HS2ST1: variants seen among roughly 807,000 people sequenced by gnomAD.
HS2ST1 encodes the protein heparan sulfate 2-O-sulfotransferase 1.
In HS2ST1, 18 loss-of-function variants were observed where a neutral mutation model predicts 42.9. The ratio of observed to expected loss-of-function variants is 0.42; its 90% CI spans 0.29 to 0.62. The LOEUF (loss-of-function observed/expected upper bound fraction) is 0.62, where lower values mean the gene tolerates loss of function less well. Among genes scored for constraint, HS2ST1 ranks in the 20% least tolerant of loss-of-function variants. HS2ST1 has a pLI of 0.21. For synonymous variants in HS2ST1, 146 were observed against 152.9 expected (o/e 0.95, Z 0.33); for missense variants, 334 against 433.8 (o/e 0.77, Z 2.04).
At chr1:86,921,872 A>G (rs1368569900) in intron 1 of HS2ST1, among the ~76,000 whole-genome samples, 2 of 152,196 alleles carry the variant, frequency 1.3e-5, no homozygotes, top group African/African-American at 4.8e-5. Flanking sequence ...GTCAGGTGGT[A>G]TATCTTTTCC....
At chr1:87,016,445 T>G (rs556314739) in intron 1 of HS2ST1, among the ~76,000 whole-genome samples, 19 of 152,268 alleles carry the variant, frequency 1.2e-4, no homozygotes, top group East Asian at 7.7e-4. Flanking sequence ...TTTCTTGCTT[T>G]CTTTCTTTTC....
chr1:86,995,440 T>C (rs1329623267), intron 1 of HS2ST1, among the ~76,000 whole-genome samples: 2 of 152,184 alleles, frequency 1.3e-5, no homozygotes, highest in Non-Finnish European at 1.5e-5. Flanking sequence ...GTTTTATTTC[T>C]GTCACTACAT....
chr1:87,014,080 C>T (rs1649680764), intron 1 of HS2ST1, among the ~76,000 whole-genome samples: 1 of 152,164 alleles, frequency 6.6e-6, no homozygotes, highest in African/African-American at 2.4e-5. Flanking sequence ...TGCCTATTAC[C>T]CACTTTCAAA....
At chr1:87,008,380 A>G (rs1339077657) in intron 1 of HS2ST1, among the ~76,000 whole-genome samples, 1 of 152,264 alleles carries the variant, frequency 6.6e-6, no homozygotes, top group Admixed American at 6.5e-5. Flanking sequence ...TAATTAAATT[A>G]TATCTAACAC....
intron 1 of HS2ST1, among the ~76,000 whole-genome samples, chr1:86,976,941 A>T (rs1366188386): frequency 6.6e-6 from 1 of 151,566 alleles, no homozygotes; most frequent in Non-Finnish European, 1.5e-5. Flanking sequence ...AGTCCTAGCT[A>T]CTTGAGAGGC....
intron 6 of HS2ST1, among the ~76,000 whole-genome samples, chr1:87,104,118 A>G (rs1245072841): frequency 6.6e-6 from 1 of 152,186 alleles, no homozygotes; most frequent in Non-Finnish European, 1.5e-5. Flanking sequence ...ATGAGAAAAT[A>G]GAATACAGTT....
At chr1:86,953,960 A>G (rs1037540712) in intron 1 of HS2ST1, among the ~76,000 whole-genome samples, 12 of 149,618 alleles carry the variant, frequency 8.0e-5, no homozygotes, top group African/African-American at 3.0e-4. Flanking sequence ...AACTTGTATT[A>G]AGTTCACTGT....
chr1:87,031,569 T>A (rs1316420079), intron 1 of HS2ST1, among the ~76,000 whole-genome samples: 1 of 152,202 alleles, frequency 6.6e-6, no homozygotes, highest in Non-Finnish European at 1.5e-5. Flanking sequence ...GCTATTTAGT[T>A]TGGTTGCATT....
intron 1 of HS2ST1, among the ~76,000 whole-genome samples, chr1:86,933,527 T>G (rs1660584599): frequency 6.6e-6 from 1 of 152,182 alleles, no homozygotes; most frequent in Non-Finnish European, 1.5e-5. Context: ...TGTCTCTGCC[T>G]ACAGTGGGCA....
At chr1:86,960,926 A>G (rs1042851924) in intron 1 of HS2ST1, among the ~76,000 whole-genome samples, 2 of 152,204 alleles carry the variant, frequency 1.3e-5, no homozygotes, top group Non-Finnish European at 2.9e-5. Flanking sequence ...GTGTTTATCC[A>G]AATGAACTGA....
At chr1:86,998,014 A>C (rs1300258143) in intron 1 of HS2ST1, among the ~76,000 whole-genome samples, 1 of 152,200 alleles carries the variant, frequency 6.6e-6, no homozygotes, top group Non-Finnish European at 1.5e-5. Flanking sequence ...ATTGTCCACT[A>C]TCTGAATGAA....
chr1:87,034,674 T>C (rs1411375016), intron 1 of HS2ST1, among the ~76,000 whole-genome samples: 1 of 152,200 alleles, frequency 6.6e-6, no homozygotes, highest in African/African-American at 2.4e-5. Context: ...GTGTAAAGTA[T>C]ATGTACGAAG....
chr1:87,052,505 A>G (rs997609925), intron 1 of HS2ST1, among the ~76,000 whole-genome samples: 4 of 152,198 alleles, frequency 2.6e-5, no homozygotes, highest in African/African-American at 9.6e-5. Flanking sequence ...TTAATGTTGC[A>G]TTTTCACAGG....
chr1:86,937,830 C>G (rs918475690), intron 1 of HS2ST1, among the ~76,000 whole-genome samples: 2 of 151,630 alleles, frequency 1.3e-5, no homozygotes, highest in African/African-American at 4.8e-5. Flanking sequence ...TCTGCATTGG[C>G]ATTCGTTGGT....
chr1:86,997,296 C>T (rs927306714), intron 1 of HS2ST1, among the ~76,000 whole-genome samples: 2 of 151,990 alleles, frequency 1.3e-5, no homozygotes, highest in African/African-American at 4.8e-5. Flanking sequence ...TAATCACTAC[C>T]CAGGCCCAGG....
chr1:86,992,104 C>T (rs553159811), intron 1 of HS2ST1, among the ~76,000 whole-genome samples: 11 of 152,038 alleles, frequency 7.2e-5, no homozygotes, highest in African/African-American at 2.4e-4. Context: ...GATCTAGGTT[C>T]CACTCTTTAA....
At chr1:86,931,233 C>T (rs1403119083) in intron 1 of HS2ST1, among the ~76,000 whole-genome samples, 1 of 151,954 alleles carries the variant, frequency 6.6e-6, no homozygotes, top group Non-Finnish European at 1.5e-5. Flanking sequence ...CAGTTTAATT[C>T]TACCTTGTCC....
intron 1 of HS2ST1, among the ~76,000 whole-genome samples, chr1:86,991,064 G>A (rs953362178): frequency 5.3e-5 from 8 of 151,032 alleles, no homozygotes; most frequent in Non-Finnish European, 1.0e-4. Flanking sequence ...CAAAATCTTG[G>A]ATTCTGAAGC....
chr1:86,959,701 A>C (rs1385960569), intron 1 of HS2ST1, among the ~76,000 whole-genome samples: 1 of 151,820 alleles, frequency 6.6e-6, no homozygotes, highest in Non-Finnish European at 1.5e-5. Context: ...TACCATTTAT[A>C]TTAGCACAAA....
Sources: allele counts gnomAD v4.1 joint callset (sites outside exome capture counted in the v4.1 genomes callset), GRCh38; gene constraint gnomAD v4.1.1; transcripts MANE v1.5; gene names NCBI Gene and HGNC (gene_info 2026-07-23, HGNC 2026-07-21).